IL1RAPL2: variants seen among roughly 807,000 people sequenced by gnomAD.
IL1RAPL2 encodes X-linked interleukin-1 receptor accessory protein-like 2.
A neutral mutation model predicts 44.1 loss-of-function variants in IL1RAPL2; 3 were observed. The observed-to-expected ratio is 0.07, with a 90% confidence interval of 0.03 to 0.18. The LOEUF (loss-of-function observed/expected upper bound fraction) is 0.18. Ranked by LOEUF, IL1RAPL2 falls within the 10% of genes least tolerant of loss-of-function variation. The pLI is 1.00. For missense variants in IL1RAPL2, 391 were observed against 496.4 expected (o/e 0.79, Z 2.02); for synonymous variants, 181 against 178.8 (o/e 1.01, Z -0.10).
rs898966145 is a variant in IL1RAPL2 at position 105,254,856 on chromosome X, A to T, written c.544-12532A>T. On this transcript the variant is annotated intron_variant, in intron 4 of 10. Transcript: ENST00000372582. Reference sequence around the variant, plus strand: ...TTTTGGCAGCTTTGTCGAAGATCAGATGGTTATAGATGTGTTGTCTTATTT... The same window carrying T: ...TTTTGGCAGCTTTGTCGAAGATCAGTTGGTTATAGATGTGTTGTCTTATTT... 5.4e-5 allele frequency among the ~76,000 whole-genome samples: 6 copies of T among 111,849 alleles called. No individual in the cohort carries two copies. The East Asian group carries it at 1.7e-3, about 32-fold the overall frequency.
intron 1 of IL1RAPL2, among the ~76,000 whole-genome samples, chrX:104,625,865 G>T (rs112518562): frequency 4.4e-4 from 49 of 111,259 alleles, no homozygotes; most frequent in African/African-American, 1.6e-3. Flanking sequence ...CATGGCTTTT[G>T]AGTCCAAAAG....
chrX:105,533,901 C>T (rs1336786827), intron 6 of IL1RAPL2, among the ~76,000 whole-genome samples: 3 of 112,113 alleles, frequency 2.7e-5, no homozygotes, highest in African/African-American at 9.7e-5. Context: ...AATAAAGCTG[C>T]TATGACAAGT....
intron 2 of IL1RAPL2, among the ~76,000 whole-genome samples, chrX:104,677,724 G>T (rs763966493): frequency 8.9e-6 from 1 of 111,953 alleles, no homozygotes; most frequent in African/African-American, 3.2e-5. Flanking sequence ...TTTGATCTCA[G>T]ACTGCTGTGC....
chrX:105,272,189 G>A (rs963183054), intron 5 of IL1RAPL2, among the ~76,000 whole-genome samples: 23 of 106,510 alleles, frequency 2.2e-4, no homozygotes, highest in Admixed American at 2.1e-3. Context: ...GCTAGATGAC[G>A]AGTTAGTGGG....
chrX:104,787,760 A>G (rs769161627), intron 2 of IL1RAPL2, among the ~76,000 whole-genome samples: 5 of 111,545 alleles, frequency 4.5e-5, no homozygotes, highest in African/African-American at 1.6e-4. Flanking sequence ...AGAGCTTTCA[A>G]AATTGCAGCA....
At chrX:105,391,713 C>T (rs1478880567) in intron 5 of IL1RAPL2, among the ~76,000 whole-genome samples, 3 of 76,945 alleles carry the variant, frequency 3.9e-5, no homozygotes, top group African/African-American at 1.1e-4. Context: ...TATTGCGGCA[C>T]TATTCACAAT....
chrX:105,290,733 T>C (rs2034606485), intron 5 of IL1RAPL2, among the ~76,000 whole-genome samples: 1 of 111,381 alleles, frequency 9.0e-6, no homozygotes. Context: ...GTTATCAAAG[T>C]TACAGTATTG....
At chrX:104,891,660 G>A (rs1428543326) in intron 2 of IL1RAPL2, among the ~76,000 whole-genome samples, 3 of 112,283 alleles carry the variant, frequency 2.7e-5, no homozygotes, top group African/African-American at 9.7e-5. Flanking sequence ...CTGAGACTTT[G>A]CTGAAGTTGC....
intron 2 of IL1RAPL2, among the ~76,000 whole-genome samples, chrX:104,765,705 A>G (rs1281969196): frequency 8.9e-6 from 1 of 112,107 alleles, no homozygotes; most frequent in Non-Finnish European, 1.9e-5. Flanking sequence ...CACTAGTGAG[A>G]ATTAGAGACC....
intron 2 of IL1RAPL2, among the ~76,000 whole-genome samples, chrX:104,830,370 T>C (rs1428543371): frequency 1.8e-5 from 2 of 111,621 alleles, no homozygotes; most frequent in Non-Finnish European, 3.8e-5. Flanking sequence ...GTATGTAGAA[T>C]GGTATCTGTT....
At chrX:105,461,012 A>G (rs1175557100) in intron 5 of IL1RAPL2, among the ~76,000 whole-genome samples, 6 of 111,974 alleles carry the variant, frequency 5.4e-5, no homozygotes, top group African/African-American at 9.7e-5. Flanking sequence ...GCTTAAGTCT[A>G]TTCTCTCTTA....
chrX:104,678,833 G>A, intron 2 of IL1RAPL2, among the ~76,000 whole-genome samples: 1 of 111,000 alleles, frequency 9.0e-6, no homozygotes, highest in Non-Finnish European at 1.9e-5. Flanking sequence ...GGGGATGAGG[G>A]GCGAGAGGAG....
chrX:104,728,556 G>A (rs749552354), intron 2 of IL1RAPL2, among the ~76,000 whole-genome samples: 5 of 110,906 alleles, frequency 4.5e-5, no homozygotes, highest in Non-Finnish European at 9.5e-5. Flanking sequence ...GTTAAGATGA[G>A]GTAATCTCAT....
At chrX:105,338,945 CA>C (rs768068815) in intron 5 of IL1RAPL2, among the ~76,000 whole-genome samples, 1 of 109,732 alleles carries the variant, frequency 9.1e-6, no homozygotes, top group African/African-American at 3.3e-5. Context: ...TCTAAAAATA[CA>C]AAAAAAATTA....
At chrX:105,307,537 ATT>A (rs2034754023) in intron 5 of IL1RAPL2, among the ~76,000 whole-genome samples, 2 of 38,647 alleles carry the variant, frequency 5.2e-5, no homozygotes, top group African/African-American at 3.8e-4. Flanking sequence ...TATTATATAT[ATT>A]ATATATAATA....
chrX:105,016,075 AT>A (rs2031169365), intron 2 of IL1RAPL2, among the ~76,000 whole-genome samples: 1 of 111,204 alleles, frequency 9.0e-6, no homozygotes, highest in South Asian at 3.8e-4. Context: ...CTTTGTAGCA[AT>A]TGTGAATGGG....
chrX:104,674,214 A>G (rs1035483735), intron 2 of IL1RAPL2, among the ~76,000 whole-genome samples: 1 of 112,084 alleles, frequency 8.9e-6, no homozygotes, highest in Non-Finnish European at 1.9e-5. Flanking sequence ...TTGCCCATTC[A>G]GTATGATATC....
chrX:105,043,142 T>A (rs977349123), intron 2 of IL1RAPL2, among the ~76,000 whole-genome samples: 3 of 107,615 alleles, frequency 2.8e-5, no homozygotes, highest in African/African-American at 1.0e-4. Context: ...GACGAGTTAG[T>A]GGGTTCAGCG....
intron 1 of IL1RAPL2, among the ~76,000 whole-genome samples, chrX:104,582,164 A>G (rs747675966): frequency 1.8e-5 from 2 of 112,519 alleles, no homozygotes; most frequent in South Asian, 7.4e-4. Context: ...TGCTATGTAC[A>G]CAACTACAAA....
Sources: gnomAD v4.1 joint callset for allele counts (sites outside exome capture counted in the v4.1 genomes callset) on GRCh38, gnomAD v4.1.1 for gene constraint, MANE v1.5 for transcripts, NCBI Gene and HGNC (gene_info 2026-07-23, HGNC 2026-07-21) for gene names.